Variants in XKR4 observed in about 807,000 individuals in gnomAD.
XKR4 encodes XK-related protein 4.
Under a neutral mutation model 53.9 loss-of-function variants are expected in XKR4, and 12 were observed. The observed-to-expected ratio is 0.22, with a 90% CI of 0.14 to 0.36. XKR4 has a LOEUF of 0.36. Among genes scored for constraint, XKR4 ranks in the 10% least tolerant of loss-of-function variants. The probability of loss-of-function intolerance (pLI) is 1.00; values close to 1 mark genes in which losing one functional copy is unlikely to be tolerated. For synonymous variants in XKR4, 354 were observed against 362.4 expected (o/e 0.98, Z 0.26); for missense variants, 799 against 859.5 (o/e 0.93, Z 0.88).
intron 1 of XKR4, among the ~76,000 whole-genome samples, chr8:55,139,155 A>G (rs949444595): frequency 1.3e-5 from 2 of 152,202 alleles, no homozygotes; most frequent in Admixed American, 6.5e-5. Flanking sequence ...ATCCTATTAA[A>G]AAGGGGGCAG....
intron 2 of XKR4, among the ~76,000 whole-genome samples, chr8:55,457,666 A>G (rs1030454094): frequency 6.6e-6 from 1 of 152,240 alleles, no homozygotes; most frequent in African/African-American, 2.4e-5. Flanking sequence ...ACTAAAGTTC[A>G]CGGGGAGAAA....
rs776945949 is a variant in XKR4 at position 55,103,097 on chromosome 8, G to C, written c.609G>C (p.Gly203=). The change falls in exon 1 of 3, where the codon GGG becomes GGC. Residue 203 remains glycine, a synonymous_variant. Transcript: ENST00000327381. The part of the protein sequence containing the change: ...KTVVGGGSAA[G]EGEARPSTPQ... ...TGGTCGGCGGTGGGTCTGCAGCCGG[G>C]GAAGGCGAGGCTCGTCCTTCCACGC... 1.7e-5 allele frequency: 27 copies of C among 1,613,302 alleles called. No individual in the cohort carries two copies. The South Asian group carries it at 2.3e-4, about 14-fold the overall frequency.
chr8:55,467,063 C>T (rs1336973638), intron 2 of XKR4, among the ~76,000 whole-genome samples: 1 of 152,118 alleles, frequency 6.6e-6, no homozygotes, highest in African/African-American at 2.4e-5. Flanking sequence ...TTCAAGGTGT[C>T]AGCCAGGGCT....
intron 2 of XKR4, among the ~76,000 whole-genome samples, chr8:55,431,580 T>C (rs1429167059): frequency 6.6e-6 from 1 of 152,250 alleles, no homozygotes; most frequent in Non-Finnish European, 1.5e-5. Context: ...CCTGTGTTTA[T>C]GTTATCGCAG....
chr8:55,388,478 G>A (rs1804359497), intron 2 of XKR4, among the ~76,000 whole-genome samples: 1 of 93,798 alleles, frequency 1.1e-5, no homozygotes, highest in African/African-American at 5.9e-5. Flanking sequence ...AGGCTGGGAA[G>A]TTCAAGATGA....
intron 1 of XKR4, among the ~76,000 whole-genome samples, chr8:55,239,373 C>A (rs1440684418): frequency 6.6e-6 from 1 of 152,192 alleles, no homozygotes; most frequent in South Asian, 2.1e-4. Flanking sequence ...CCATATGATA[C>A]TTTTTTATAT....
At chr8:55,468,975 C>T (rs191334916) in intron 2 of XKR4, among the ~76,000 whole-genome samples, 1 of 152,224 alleles carries the variant, frequency 6.6e-6, no homozygotes, top group East Asian at 1.9e-4. Context: ...CTATCCCTCT[C>T]GAACTACTTG....
chr8:55,210,044 C>T (rs1361278022), intron 1 of XKR4, among the ~76,000 whole-genome samples: 1 of 151,676 alleles, frequency 6.6e-6, no homozygotes, highest in East Asian at 1.9e-4. Context: ...CCAGGAAACA[C>T]AGACTTCATC....
chr8:55,496,881 A>G (rs543353805), intron 2 of XKR4, among the ~76,000 whole-genome samples: 1 of 152,322 alleles, frequency 6.6e-6, no homozygotes, highest in African/African-American at 2.4e-5. Flanking sequence ...TTTATTCAAT[A>G]TATCTGAATA....
intron 2 of XKR4, among the ~76,000 whole-genome samples, chr8:55,513,703 C>G (rs1310876615): frequency 6.6e-6 from 1 of 152,220 alleles, no homozygotes; most frequent in Non-Finnish European, 1.5e-5. Flanking sequence ...GGTTGTTTGG[C>G]TGGCCACCGT....
intron 1 of XKR4, among the ~76,000 whole-genome samples, chr8:55,202,415 AG>A (rs776971198): frequency 5.9e-5 from 9 of 152,236 alleles, no homozygotes; most frequent in Non-Finnish European, 1.2e-4. Context: ...GCCCTCACCA[AG>A]GGGCCCCTCC....
chr8:55,121,666 A>G (rs1487469651), intron 1 of XKR4, among the ~76,000 whole-genome samples: 1 of 152,174 alleles, frequency 6.6e-6, no homozygotes, highest in African/African-American at 2.4e-5. Context: ...CTAGATTCAC[A>G]TGGGGGAAAT....
intron 1 of XKR4, among the ~76,000 whole-genome samples, chr8:55,354,030 G>T (rs1803763814): frequency 6.6e-6 from 1 of 152,160 alleles, no homozygotes; most frequent in East Asian, 1.9e-4. Context: ...ATTAAAATAG[G>T]CAGAGCAACT....
intron 1 of XKR4, among the ~76,000 whole-genome samples, chr8:55,110,053 A>G (rs1030373417): frequency 6.6e-6 from 1 of 152,180 alleles, no homozygotes; most frequent in Non-Finnish European, 1.5e-5. Flanking sequence ...AGAAATTTGT[A>G]TGGAACAACT....
chr8:55,102,445 A>C lies in XKR4; in HGVS notation c.-44A>C. The stretch of plus-strand genomic sequence containing the variant: ...TGGCGGGAGGAGGAGACAGCGGGGA[A>C]AGGTGTCAGATAAAGGAGGGCTCTC... On this transcript the variant is annotated 5_prime_UTR_variant, in exon 1 of 3. Transcript: ENST00000327381. This position sits in a 1 kb window ranked among gnomAD's most constrained non-coding sequence, Gnocchi z 5.1. 1 of 1,514,118 alleles carries C rather than the reference A, an allele frequency of 6.6e-7. No homozygotes were observed. Among genetic ancestry groups the C allele is most frequent in the Non-Finnish European group, 8.9e-7 (1 of 1,123,504 alleles). 93.8% of individuals were successfully genotyped at this position (1,514,118 alleles called of 1,614,324 possible).
At chr8:55,482,863 G>A (rs1464700203) in intron 2 of XKR4, among the ~76,000 whole-genome samples, 1 of 151,856 alleles carries the variant, frequency 6.6e-6, no homozygotes, top group African/African-American at 2.4e-5. Context: ...TATTTTCTTA[G>A]GTTAAAGACT....
At chr8:55,201,142 A>T (rs1817572754) in intron 1 of XKR4, among the ~76,000 whole-genome samples, 1 of 152,248 alleles carries the variant, frequency 6.6e-6, no homozygotes, top group South Asian at 2.1e-4. Context: ...AATCAAGTTT[A>T]TAAAATTGAC....
At chr8:55,317,352 C>T (rs1324614670) in intron 1 of XKR4, among the ~76,000 whole-genome samples, 1 of 152,126 alleles carries the variant, frequency 6.6e-6, no homozygotes, top group Non-Finnish European at 1.5e-5. Context: ...GCCCCTCCCC[C>T]CATTGGTTGT....
intron 2 of XKR4, among the ~76,000 whole-genome samples, chr8:55,376,235 G>T (rs540292228): frequency 6.6e-6 from 1 of 152,218 alleles, no homozygotes; most frequent in East Asian, 1.9e-4. Flanking sequence ...ATTCCTTTGG[G>T]TATATACCTA....
Sources: allele counts gnomAD v4.1 joint callset (sites outside exome capture counted in the v4.1 genomes callset), GRCh38; gene constraint gnomAD v4.1.1; non-coding constraint Gnocchi (gnomAD v3.1); transcripts MANE v1.5; gene names NCBI Gene and HGNC (gene_info 2026-07-23, HGNC 2026-07-21).